MIS18BP1: variants seen among roughly 807,000 people sequenced by gnomAD.
MIS18BP1 encodes mis18-binding protein 1.
Under a neutral mutation model 116.1 loss-of-function variants are expected in MIS18BP1, and 72 were observed. The observed-to-expected ratio is 0.62, with a 90% confidence interval of 0.51 to 0.75. The LOEUF (loss-of-function observed/expected upper bound fraction) is 0.75, where lower values mean the gene tolerates loss of function less well. MIS18BP1 is among the 30% of genes least tolerant of loss of function. The pLI is 0.00. For missense variants in MIS18BP1, 1,363 were observed against 1,303.2 expected (o/e 1.05, Z -0.71); for synonymous variants, 386 against 427.0 (o/e 0.90, Z 1.18).
At chr14:45,244,773 GACTTT>G (rs1245557542) in intron 2 of MIS18BP1, among the ~76,000 whole-genome samples, 1 of 152,126 alleles carries the variant, frequency 6.6e-6, no homozygotes, top group Non-Finnish European at 1.5e-5. Flanking sequence ...CTCAGCTGAT[GACTTT>G]ACTTATTTCA....
rs1891924199 is a variant in MIS18BP1, at chr14:45,253,042, G to A, written c.-99C>T. The A allele has an allele frequency of 6.6e-6, 1 of 152,376 alleles. No individual in the cohort carries two copies. The highest frequency in any genetic ancestry group is 1.5e-5 in the Non-Finnish European group (1 of 68,122). 9.4% of individuals were successfully genotyped at this position (152,376 alleles called of 1,614,324 possible). ...GGCGCGGGGAGGACGTACCTTGGATGAAGAGCCTGGCAGGGAGAGACTGCC... is the reference window on the plus strand; with the variant it reads ...GGCGCGGGGAGGACGTACCTTGGATAAAGAGCCTGGCAGGGAGAGACTGCC... On this transcript the variant is annotated 5_prime_UTR_variant, in exon 1 of 17. Transcript: ENST00000310806.
At chr14:45,206,997 T>A (rs1481976878) in intron 14 of MIS18BP1, among the ~76,000 whole-genome samples, 1 of 152,234 alleles carries the variant, frequency 6.6e-6, no homozygotes, top group African/African-American at 2.4e-5. Flanking sequence ...AATTTTATCT[T>A]TCTTGAATTC....
At chr14:45,206,564 GA>G (rs2139135807) in intron 14 of MIS18BP1, 1 of 159,248 alleles carries the variant, frequency 6.3e-6, no homozygotes, top group South Asian at 1.9e-4. Context: ...GTGTTGGGAT[GA>G]CAGTCGTGAG....
chr14:45,248,069 T>C (rs2139254129), intron 1 of MIS18BP1, among the ~76,000 whole-genome samples: 1 of 150,072 alleles, frequency 6.7e-6, no homozygotes, highest in South Asian at 2.1e-4. Context: ...TTTTTTTTTT[T>C]TTTTCTTTTT....
intron 1 of MIS18BP1, among the ~76,000 whole-genome samples, 151 bp downstream of exon 1, chr14:45,252,884 A>G (rs1368028920): frequency 2.0e-5 from 3 of 152,230 alleles, no homozygotes; most frequent in Admixed American, 1.3e-4. Context: ...ACAAGTAAAC[A>G]TCGAGTGCGA....
intron 1 of MIS18BP1, among the ~76,000 whole-genome samples, chr14:45,250,589 C>T (rs571621180): frequency 6.6e-5 from 10 of 152,186 alleles, no homozygotes; most frequent in Non-Finnish European, 1.3e-4. Flanking sequence ...AGTATGTTTC[C>T]GTTTTCATTA....
intron 1 of MIS18BP1, among the ~76,000 whole-genome samples, chr14:45,249,132 C>A (rs1421008291): frequency 6.6e-6 from 1 of 151,912 alleles, no homozygotes; most frequent in Non-Finnish European, 1.5e-5. Context: ...TGCTCTGTTG[C>A]CCAGGCTGGA....
At chr14:45,226,283 A>C (rs1891120528) in intron 10 of MIS18BP1, among the ~76,000 whole-genome samples, 2 of 152,186 alleles carry the variant, frequency 1.3e-5, no homozygotes, top group Admixed American at 1.3e-4. Flanking sequence ...AGGAAATAAA[A>C]CACAAAAAAA....
intron 6 of MIS18BP1, among the ~76,000 whole-genome samples, chr14:45,235,523 G>C (rs1417183920): frequency 6.7e-6 from 1 of 149,476 alleles, no homozygotes; most frequent in Non-Finnish European, 1.5e-5. Context: ...CCCGGAGATG[G>C]AGGTTGCAGT....
At chr14:45,232,671 T>C in intron 7 of MIS18BP1, 62 bp downstream of exon 7, 1 of 918,766 alleles carries the variant, frequency 1.1e-6, no homozygotes, top group Non-Finnish European at 1.7e-6. Flanking sequence ...GGCACACACA[T>C]AATTAAATGT....
chr14:45,211,919 G>A (rs985515208), intron 13 of MIS18BP1, among the ~76,000 whole-genome samples: 1 of 152,214 alleles, frequency 6.6e-6, no homozygotes, highest in Non-Finnish European at 1.5e-5. Context: ...GTGACATTTT[G>A]AAGAAGTCGA....
rs1367281254 is a variant in MIS18BP1 at position 45,224,592 on chromosome 14, G to A, written c.1995C>T (p.Cys665=). ...TGCCAGCGGACAGATTATACCTCAT[G>A]CATCTTTGCTCTATCACTTTTCTAG... ...LKSRKVIEQR[C]MRYNLSAGTI... is the part of the protein sequence containing the mutation. Residue 665 remains cysteine (C), a synonymous_variant, in exon 11 of 17, where the codon TGC becomes TGT. Transcript: ENST00000310806. The A allele has an allele frequency of 6.2e-7, 1 of 1,613,686 alleles. No homozygotes were observed.
intron 1 of MIS18BP1, among the ~76,000 whole-genome samples, chr14:45,249,073 T>TG (rs1440776599): frequency 6.8e-6 from 1 of 147,332 alleles, no homozygotes; most frequent in Non-Finnish European, 1.5e-5. Flanking sequence ...ACCTCAGCTA[T>TG]GTTTTTTTTT....
intron 2 of MIS18BP1, among the ~76,000 whole-genome samples, chr14:45,245,095 A>C (rs139859104): frequency 4.4e-4 from 67 of 152,294 alleles, no homozygotes; most frequent in African/African-American, 1.5e-3. Flanking sequence ...ACTATTGCCA[A>C]TTCCTCTTGT....
rs1594510786 is a variant in MIS18BP1 at position 45,223,974 on chromosome 14, T to C, written c.2613A>G (p.Leu871=). ...DKTNRHPLEC[L]PGLIQDKEWN... is the part of the protein sequence containing the mutation. ...ATTCCTTATCCTGAATTAAACCAGG[T>C]AAGCATTCTAAGGGATGCCTATTTG... is the stretch of plus-strand genomic sequence containing the variant. Residue 871 remains leucine (L), a synonymous_variant, in exon 11 of 17, where the codon TTA becomes TTG. Transcript: ENST00000310806. 2 of 1,606,756 alleles carry C rather than the reference T, an allele frequency of 1.2e-6. No individual in the cohort carries two copies. Among genetic ancestry groups the C allele is most frequent in the East Asian group, 4.5e-5 (2 of 44,820 alleles).
In MIS18BP1 at chr14:45,248,868, C is replaced by G. The variant is rs565289192; in HGVS notation, c.-91-1491G>C. Among the ~76,000 whole-genome samples, 4 of 152,196 alleles carry G rather than the reference C, an allele frequency of 2.6e-5. No individual in the cohort carries two copies. In the South Asian group the frequency reaches 8.3e-4, roughly 32 times the overall value. Reference sequence around the variant, plus strand: ...GTATATGTTTATGATGTGCTAGTTCCAGGGGTTCTGTATTAGAAGTTATAA... The same window carrying G: ...GTATATGTTTATGATGTGCTAGTTCGAGGGGTTCTGTATTAGAAGTTATAA... On this transcript the variant is annotated intron_variant, in intron 1 of 16. Transcript: ENST00000310806.
At position 45,210,526 on chromosome 14, in the gene MIS18BP1, C is replaced by T. The variant is rs145940765; in HGVS notation, c.3006G>A (p.Leu1002=). 2.7e-5 allele frequency: 43 copies of T among 1,613,594 alleles called. No individual in the cohort carries two copies. The African/African-American group carries it at 5.6e-4, about 21-fold the overall frequency. ...TTPLQHQRIL[L]PSFQDSEDDD... Reference sequence around the variant, plus strand: ...CATCTTCACTGTCCTGGAAACTTGGCAACTAGAAAACAAGTATTTATTATC... The same window carrying T: ...CATCTTCACTGTCCTGGAAACTTGGTAACTAGAAAACAAGTATTTATTATC... Residue 1002 remains leucine, a splice_region_variant and synonymous_variant, in exon 14 of 17, where the codon TTG becomes TTA. Coordinates refer to ENST00000310806, the MANE Select transcript of MIS18BP1 (RefSeq NM_018353.5).
intron 11 of MIS18BP1, among the ~76,000 whole-genome samples, chr14:45,221,367 G>C (rs1890970362): frequency 6.6e-6 from 1 of 152,076 alleles, no homozygotes; most frequent in African/African-American, 2.4e-5. Flanking sequence ...AACCTGGGAG[G>C]TGGAGCTTGC....
At position 45,203,918 on chromosome 14, in the gene MIS18BP1, T is replaced by C; in HGVS notation, c.*191A>G. On this transcript the variant is annotated 3_prime_UTR_variant, in exon 17 of 17. Transcript: ENST00000310806. ...CAGATATCTACACGAGCAAAAACAA[T>C]TTTCTTTACATTTTTAGTAAGCTGC... is the stretch of plus-strand genomic sequence containing the variant. 1.5e-6 allele frequency: 1 copy of C among 685,122 alleles called. No homozygotes were observed. Among genetic ancestry groups the C allele is most frequent in the Non-Finnish European group, 2.1e-6 (1 of 481,980 alleles). The allele number at this position is 685,122 out of a possible 1,614,324, so 42.4% of individuals were successfully genotyped here. A position where few individuals can be genotyped will look rare whatever the true frequency, so the allele number is the denominator to read the frequency against.
Sources: gnomAD v4.1 joint callset for allele counts (sites outside exome capture counted in the v4.1 genomes callset) on GRCh38, gnomAD v4.1.1 for gene constraint, MANE v1.5 for transcripts, NCBI Gene and HGNC (gene_info 2026-07-23, HGNC 2026-07-21) for gene names.